The following MSRB3 variants were observed in gnomAD, a reference collection of about 807,000 sequenced individuals.
The protein encoded by MSRB3 is methionine-R-sulfoxide reductase B3.
Under a neutral mutation model 21.0 loss-of-function variants are expected in MSRB3, and 13 were observed. The observed-to-expected ratio is 0.62, with a 90% confidence interval of 0.40 to 0.98. MSRB3 has a LOEUF of 0.98. MSRB3 is among the 50% of genes least tolerant of loss of function. MSRB3 has a pLI of 0.00. For synonymous variants in MSRB3, 87 were observed against 88.6 expected (o/e 0.98, Z 0.10); for missense variants, 199 against 230.3 (o/e 0.86, Z 0.88).
intron 5 of MSRB3, among the ~76,000 whole-genome samples, chr12:65,441,530 G>A (rs561999044): frequency 6.6e-6 from 1 of 152,088 alleles, no homozygotes; most frequent in East Asian, 1.9e-4. Flanking sequence ...TAACAGGAAC[G>A]TATATAGAAA....
intron 4 of MSRB3, among the ~76,000 whole-genome samples, chr12:65,364,246 A>G (rs1285265502): frequency 1.3e-5 from 2 of 152,152 alleles, no homozygotes; most frequent in Non-Finnish European, 1.5e-5. Context: ...GCAAGAACTT[A>G]GTCATATGGG....
At chr12:65,352,820 C>T (rs903069571) in intron 4 of MSRB3, among the ~76,000 whole-genome samples, 4 of 150,596 alleles carry the variant, frequency 2.7e-5, no homozygotes, top group Admixed American at 2.0e-4. Context: ...AAAGAGGATA[C>T]AAACAAATGG....
intron 5 of MSRB3, among the ~76,000 whole-genome samples, chr12:65,451,195 C>G (rs1382771887): frequency 6.6e-6 from 1 of 152,184 alleles, no homozygotes; most frequent in Admixed American, 6.5e-5. Context: ...ATTTTGAAAA[C>G]TGCCATCTCT....
At chr12:65,440,523 T>A (rs1401833229) in intron 5 of MSRB3, among the ~76,000 whole-genome samples, 2 of 151,850 alleles carry the variant, frequency 1.3e-5, no homozygotes, top group Non-Finnish European at 2.9e-5. Context: ...AAGAATTTAA[T>A]AATACCTTCC....
intron 5 of MSRB3, among the ~76,000 whole-genome samples, chr12:65,441,790 G>T (rs1189111777): frequency 6.6e-6 from 1 of 152,074 alleles, no homozygotes; most frequent in African/African-American, 2.4e-5. Context: ...TTCGATGAAG[G>T]TTCCTTCATG....
chr12:65,422,348 G>A (rs1207353379), intron 5 of MSRB3, among the ~76,000 whole-genome samples: 68 of 128,162 alleles, frequency 5.3e-4, no homozygotes, highest in African/African-American at 1.9e-3. Flanking sequence ...AGATATTTAG[G>A]ACCTGAAAAT....
intron 5 of MSRB3, among the ~76,000 whole-genome samples, chr12:65,417,268 A>T (rs1881029535): frequency 6.6e-6 from 1 of 152,162 alleles, no homozygotes; most frequent in African/African-American, 2.4e-5. Context: ...CAGGTAGGAA[A>T]ATGAGGAATA....
chr12:65,412,661 C>G (rs566066671), intron 5 of MSRB3, among the ~76,000 whole-genome samples: 1 of 152,180 alleles, frequency 6.6e-6, no homozygotes, highest in African/African-American at 2.4e-5. Context: ...TAGTAATTTT[C>G]TTTCCCACTC....
intron 5 of MSRB3, among the ~76,000 whole-genome samples, chr12:65,382,136 C>G (rs1878970844): frequency 6.6e-6 from 1 of 151,980 alleles, no homozygotes; most frequent in Non-Finnish European, 1.5e-5. Flanking sequence ...TACCTTGCAT[C>G]TAAATGATTC....
rs1469090553 is a variant in MSRB3 at position 65,445,981 on chromosome 12, A to C, written c.293-7747A>C. Among the ~76,000 whole-genome samples the C allele has an allele frequency of 3.3e-5, 5 of 152,084 alleles. No individual in the cohort carries two copies. In the East Asian group the frequency reaches 9.6e-4, roughly 29 times the overall value. On this transcript the variant is annotated intron_variant, in intron 5 of 6. Transcript: ENST00000308259. Reference sequence around the variant, plus strand: ...TTTAAATATCATTTTTATTTCAGGTACCTCTTAATAAAGCTGAATGAAGCA... The same window carrying C: ...TTTAAATATCATTTTTATTTCAGGTCCCTCTTAATAAAGCTGAATGAAGCA...
intron 5 of MSRB3, among the ~76,000 whole-genome samples, chr12:65,413,151 T>C (rs774409323): frequency 3.9e-5 from 6 of 152,166 alleles, no homozygotes; most frequent in Non-Finnish European, 7.3e-5. Context: ...ATGTCAACAG[T>C]GTCTCTTCAA....
At chr12:65,348,745 C>G (rs1283139101) in intron 4 of MSRB3, among the ~76,000 whole-genome samples, 1 of 152,168 alleles carries the variant, frequency 6.6e-6, no homozygotes, top group African/African-American at 2.4e-5. Context: ...TTTCCCCCTA[C>G]ACACGGCTTT....
intron 1 of MSRB3, among the ~76,000 whole-genome samples, chr12:65,288,986 T>A (rs955951932): frequency 1.3e-5 from 2 of 152,176 alleles, no homozygotes. Flanking sequence ...AAGAATATTT[T>A]AAAAAAATCT....
chr12:65,303,606 C>T (rs950352605), intron 1 of MSRB3, among the ~76,000 whole-genome samples: 8 of 152,092 alleles, frequency 5.3e-5, no homozygotes, highest in African/African-American at 1.4e-4. Flanking sequence ...AACATATAAT[C>T]GGTCATTTTC....
chr12:65,376,506 C>T (rs1878633629), intron 5 of MSRB3, among the ~76,000 whole-genome samples: 1 of 152,192 alleles, frequency 6.6e-6, no homozygotes, highest in Admixed American at 6.5e-5. Context: ...ACATGCGTTA[C>T]ACTTGTCTCC....
At chr12:65,356,170 AT>A (rs1243417034) in intron 4 of MSRB3, among the ~76,000 whole-genome samples, 1 of 151,922 alleles carries the variant, frequency 6.6e-6, no homozygotes, top group African/African-American at 2.4e-5. Flanking sequence ...CTTTTTAGTG[AT>A]GAATTATTTT....
chr12:65,317,773 T>A (rs1874392945), intron 2 of MSRB3, among the ~76,000 whole-genome samples: 1 of 152,236 alleles, frequency 6.6e-6, no homozygotes, highest in African/African-American at 2.4e-5. Flanking sequence ...AAAATTTCAC[T>A]GATTTATTAA....
chr12:65,393,659 T>C (rs1246662685), intron 5 of MSRB3, among the ~76,000 whole-genome samples: 1 of 148,134 alleles, frequency 6.8e-6, no homozygotes, highest in Non-Finnish European at 1.5e-5. Context: ...AAAAAATGAC[T>C]ACCATCTTAT....
intron 4 of MSRB3, among the ~76,000 whole-genome samples, chr12:65,349,425 G>A (rs556025029): frequency 2.0e-5 from 3 of 151,950 alleles, no homozygotes; most frequent in Admixed American, 6.5e-5. Flanking sequence ...TATATACCCA[G>A]TAATGGGATG....
Sources: gnomAD v4.1 joint callset for allele counts (sites outside exome capture counted in the v4.1 genomes callset) on GRCh38, gnomAD v4.1.1 for gene constraint, MANE v1.5 for transcripts, NCBI Gene and HGNC (gene_info 2026-07-23, HGNC 2026-07-21) for gene names.